The following PCDH9 variants were observed in gnomAD, a reference collection of about 807,000 sequenced individuals.
The protein encoded by PCDH9 is protocadherin-9.
Under a neutral mutation model 70.6 loss-of-function variants are expected in PCDH9, and 24 were observed. That is an observed-to-expected ratio of 0.34 (90% CI 0.25 to 0.48). The LOEUF is 0.48. Ranked by LOEUF, PCDH9 falls within the 20% of genes least tolerant of loss-of-function variation. The pLI is 0.99. For synonymous variants in PCDH9, 562 were observed against 558.5 expected (o/e 1.01, Z -0.09); for missense variants, 1,281 against 1,503.6 (o/e 0.85, Z 2.45).
intron 4 of PCDH9, among the ~76,000 whole-genome samples, chr13:66,400,938 A>G (rs949976870): frequency 3.9e-5 from 6 of 152,202 alleles, no homozygotes; most frequent in Non-Finnish European, 2.9e-5. Flanking sequence ...ATCTTACAGA[A>G]AGCAATAAGC....
intron 2 of PCDH9, among the ~76,000 whole-genome samples, chr13:66,957,231 CAT>C (rs2083278077): frequency 6.6e-6 from 1 of 152,208 alleles, no homozygotes; most frequent in African/African-American, 2.4e-5. Flanking sequence ...ATCTTTCTGA[CAT>C]GTGCTGATAA....
chr13:67,180,357 AC>A (rs1386365871), intron 2 of PCDH9, among the ~76,000 whole-genome samples: 1 of 151,980 alleles, frequency 6.6e-6, no homozygotes, highest in Non-Finnish European at 1.5e-5. Context: ...TTACAGTTAC[AC>A]CATTTTATAA....
chr13:66,342,034 G>A (rs1956135722), intron 4 of PCDH9, among the ~76,000 whole-genome samples: 1 of 152,160 alleles, frequency 6.6e-6, no homozygotes, highest in Admixed American at 6.5e-5. Context: ...TGGGGACTGA[G>A]CATTCATGTT....
chr13:66,673,598 A>G (rs771846236), intron 3 of PCDH9, among the ~76,000 whole-genome samples: 1 of 152,164 alleles, frequency 6.6e-6, no homozygotes, highest in Non-Finnish European at 1.5e-5. Flanking sequence ...AACAGATTCT[A>G]CTTCAAAGAC....
chr13:66,391,830 T>C (rs1310866346), intron 4 of PCDH9, among the ~76,000 whole-genome samples: 1 of 150,898 alleles, frequency 6.6e-6, no homozygotes, highest in African/African-American at 2.4e-5. Context: ...AATGTACAAT[T>C]TGTGGTAAAA....
Position 67,213,206 on chromosome 13 carries a change from C to CAAAAAAAAAAAAAAAAA in PCDH9, c.3036+12182_3036+12198dup, listed in dbSNP as rs34813503. Reference sequence around the variant, plus strand: ...AGCCTGGACGACAGAGACTCCGTCACAAAAAAAAAAAAAAAAAAAAAAAAA... The same window carrying CAAAAAAAAAAAAAAAAA: ...AGCCTGGACGACAGAGACTCCGTCACAAAAAAAAAAAAAAAAAAAAAAAAAAAAAAAAAAAAAAAAAA... On this transcript the variant is annotated intron_variant, in intron 2 of 4. Transcript: ENST00000377865. 1.3e-3 allele frequency: 26 copies of CAAAAAAAAAAAAAAAAA among 20,546 alleles called. 3 individuals are homozygous for CAAAAAAAAAAAAAAAAA. Among genetic ancestry groups the CAAAAAAAAAAAAAAAAA allele is most frequent in the African/African-American group, 1.7e-3 (10 of 5,886 alleles). 1.3% of individuals were successfully genotyped at this position (20,546 alleles called of 1,614,324 possible). A position where few individuals can be genotyped will look rare whatever the true frequency, so the allele number is the denominator to read the frequency against.
rs1049241867 is a variant in PCDH9, at chr13:66,708,050, A to AT, written c.3139-76640dup. Among the ~76,000 whole-genome samples the AT allele has an allele frequency of 1.8e-4, 28 of 151,712 alleles. No individual in the cohort carries two copies. The East Asian group carries it at 1.9e-3, about 10-fold the overall frequency. On this transcript the variant is annotated intron_variant, in intron 3 of 4. Transcript: ENST00000377865. ...TAACACTTTTATTTTATTTTATTTT[A>AT]TTTTTTTTTTATTTTTTGAGACGGA...
chr13:66,428,287 A>G (rs1452460561), intron 4 of PCDH9, among the ~76,000 whole-genome samples: 9 of 151,914 alleles, frequency 5.9e-5, no homozygotes, highest in South Asian at 2.1e-4. Flanking sequence ...GAAAACTCTC[A>G]GATAAGTAAA....
chr13:66,847,371 G>A (rs1021272926), intron 3 of PCDH9, among the ~76,000 whole-genome samples: 2 of 152,246 alleles, frequency 1.3e-5, no homozygotes, highest in Middle Eastern at 3.4e-3. Flanking sequence ...CTTATGAGGG[G>A]GATGTGTTCT....
At chr13:67,145,185 C>T (rs1209677853) in intron 2 of PCDH9, among the ~76,000 whole-genome samples, 1 of 151,996 alleles carries the variant, frequency 6.6e-6, no homozygotes, top group Non-Finnish European at 1.5e-5. Flanking sequence ...ACATCGATCT[C>T]AACACATTTT....
At chr13:66,469,202 C>T (rs1477682417) in intron 4 of PCDH9, among the ~76,000 whole-genome samples, 1 of 152,020 alleles carries the variant, frequency 6.6e-6, no homozygotes, top group Non-Finnish European at 1.5e-5. Context: ...TTATAAATAA[C>T]TAGATATGCA....
chr13:66,661,726 C>T (rs2078011632), intron 3 of PCDH9, among the ~76,000 whole-genome samples: 1 of 152,146 alleles, frequency 6.6e-6, no homozygotes, highest in Non-Finnish European at 1.5e-5. Flanking sequence ...CACAGGAAGA[C>T]AAAGCTTAAA....
chr13:66,949,543 C>A (rs889093225), intron 2 of PCDH9, among the ~76,000 whole-genome samples: 1 of 151,800 alleles, frequency 6.6e-6, no homozygotes, highest in Non-Finnish European at 1.5e-5. Flanking sequence ...AGGGGCAAGC[C>A]AGATGCTCCT....
intron 4 of PCDH9, among the ~76,000 whole-genome samples, chr13:66,525,773 G>C (rs1960190951): frequency 1.3e-5 from 2 of 152,122 alleles, no homozygotes; most frequent in Non-Finnish European, 2.9e-5. Flanking sequence ...TTCCAAGAAT[G>C]CTTAAGAATC....
chr13:67,048,443 G>C (rs776615903), intron 2 of PCDH9, among the ~76,000 whole-genome samples: 10 of 152,258 alleles, frequency 6.6e-5, no homozygotes, highest in Non-Finnish European at 1.2e-4. Context: ...GGGGAATAAG[G>C]CCATGCCGCT....
chr13:66,331,212 T>TA (rs1395076982), intron 4 of PCDH9, among the ~76,000 whole-genome samples: 2 of 152,098 alleles, frequency 1.3e-5, no homozygotes, highest in Admixed American at 1.3e-4. Flanking sequence ...TTATATTGCA[T>TA]AAAAAATATA....
At chr13:67,106,239 C>T (rs923922284) in intron 2 of PCDH9, among the ~76,000 whole-genome samples, 3 of 152,140 alleles carry the variant, frequency 2.0e-5, no homozygotes, top group African/African-American at 7.2e-5. Flanking sequence ...TCTATATATG[C>T]TTCCTATTTA....
chr13:67,156,172 G>A (rs759750656), intron 2 of PCDH9, among the ~76,000 whole-genome samples: 1 of 152,026 alleles, frequency 6.6e-6, no homozygotes, highest in Non-Finnish European at 1.5e-5. Context: ...ACGCCCAAAT[G>A]TTGTATTTCC....
intron 2 of PCDH9, among the ~76,000 whole-genome samples, chr13:66,949,072 C>T: frequency 6.6e-6 from 1 of 152,030 alleles, no homozygotes; most frequent in South Asian, 2.1e-4. Flanking sequence ...GGCGTACGAG[C>T]TTGGCTAAAT....
Sources: gnomAD v4.1 joint callset for allele counts (sites outside exome capture counted in the v4.1 genomes callset) on GRCh38, gnomAD v4.1.1 for gene constraint, MANE v1.5 for transcripts, NCBI Gene and HGNC (gene_info 2026-07-23, HGNC 2026-07-21) for gene names.